GALNT13: variants seen among roughly 807,000 people sequenced by gnomAD.
GALNT13 encodes the protein UDP-GalNAc:polypeptide N-acetylgalactosaminyltransferase 13.
Under a neutral mutation model 64.2 loss-of-function variants are expected in GALNT13, and 28 were observed. That is an observed-to-expected ratio of 0.44 (90% CI 0.32 to 0.60). The LOEUF (loss-of-function observed/expected upper bound fraction) is 0.60, where lower values mean the gene tolerates loss of function less well. GALNT13 is among the 20% of genes least tolerant of loss of function. The pLI, the probability that GALNT13 is intolerant of heterozygous loss-of-function variation, is 0.05. For synonymous variants in GALNT13, 214 were observed against 224.6 expected (o/e 0.95, Z 0.42); for missense variants, 577 against 669.8 (o/e 0.86, Z 1.53).
the GALNT13 span, among the ~76,000 whole-genome samples, chr2:153,860,544 C>T: frequency 7.2e-5 from 11 of 152,074 alleles, no homozygotes; most frequent in Admixed American, 4.6e-4. Flanking sequence ...TATTTAGGAC[C>T]AAATCAGTTG....
the GALNT13 span, among the ~76,000 whole-genome samples, chr2:153,206,894 G>C: frequency 6.6e-6 from 1 of 151,920 alleles, no homozygotes; most frequent in Non-Finnish European, 1.5e-5. Context: ...TCATCGCCTA[G>C]ATTTAAAAAT....
chr2:153,889,589 T>A lies in GALNT13; in HGVS notation c.-176-11347T>A, dbSNP rs530061701. Among the ~76,000 whole-genome samples, 23 of 152,184 alleles carry A rather than the reference T, an allele frequency of 1.5e-4. No homozygotes were observed. In the South Asian group the frequency reaches 3.3e-3, roughly 22 times the overall value. On this transcript the variant is annotated intron_variant, in intron 1 of 12. Transcript: ENST00000392825. ...TATGCACTTGCCATTTTACTATAAT[T>A]CACTAAATACCGATGCACTTTTATT...
chr2:153,321,285 A>T, the GALNT13 span, among the ~76,000 whole-genome samples: 3 of 152,218 alleles, frequency 2.0e-5, no homozygotes, highest in Non-Finnish European at 4.4e-5. Flanking sequence ...TCCCACTTTC[A>T]TGTGTAATTT....
the GALNT13 span, among the ~76,000 whole-genome samples, chr2:153,809,384 G>A: frequency 6.6e-5 from 10 of 152,122 alleles, no homozygotes; most frequent in Non-Finnish European, 1.3e-4. Context: ...AAATATTACA[G>A]CTCTGGGTGG....
chr2:154,116,050 G>A (rs956974469), intron 3 of GALNT13, among the ~76,000 whole-genome samples: 1 of 152,124 alleles, frequency 6.6e-6, no homozygotes, highest in African/African-American at 2.4e-5. Context: ...ACATTATCTT[G>A]CCTGGCAACT....
chr2:153,894,050 A>G (rs1281260516), intron 1 of GALNT13, among the ~76,000 whole-genome samples: 1 of 152,096 alleles, frequency 6.6e-6, no homozygotes, highest in Non-Finnish European at 1.5e-5. Flanking sequence ...AAGACAGAAG[A>G]GCCAATATTT....
chr2:153,400,093 C>T, the GALNT13 span, among the ~76,000 whole-genome samples: 7 of 151,940 alleles, frequency 4.6e-5, no homozygotes, highest in South Asian at 2.1e-4. Flanking sequence ...TTTTGAAATA[C>T]GTCCCATCAA....
the GALNT13 span, among the ~76,000 whole-genome samples, chr2:153,725,486 A>T: frequency 3.2e-5 from 4 of 123,500 alleles, no homozygotes; most frequent in African/African-American, 6.7e-5. Flanking sequence ...TAGTAATAAT[A>T]AAAAAAAAGA....
chr2:154,188,048 C>CTCTCTCT (rs397953653), intron 4 of GALNT13, among the ~76,000 whole-genome samples: 2 of 148,566 alleles, frequency 1.3e-5, no homozygotes, highest in Non-Finnish European at 3.0e-5. Context: ...CTCTCTCTCT[C>CTCTCTCT]CTGTTTTTCT....
chr2:154,287,613 C>A (rs1559069088), intron 8 of GALNT13, among the ~76,000 whole-genome samples: 1 of 151,852 alleles, frequency 6.6e-6, no homozygotes, highest in Non-Finnish European at 1.5e-5. Flanking sequence ...TTATTATATT[C>A]TTCAGCTCAA....
chr2:153,695,484 A>G, the GALNT13 span, among the ~76,000 whole-genome samples: 29 of 152,312 alleles, frequency 1.9e-4, no homozygotes, highest in South Asian at 1.5e-3. Flanking sequence ...CTAATATTTC[A>G]GGAATGATTA....
intron 4 of GALNT13, among the ~76,000 whole-genome samples, chr2:154,212,096 A>G (rs1687804166): frequency 6.6e-6 from 1 of 152,192 alleles, no homozygotes. Context: ...TAAGTTGAGA[A>G]GCCAGATTGA....
intron 4 of GALNT13, among the ~76,000 whole-genome samples, chr2:154,147,445 C>A (rs1458104356): frequency 6.7e-6 from 1 of 149,988 alleles, no homozygotes; most frequent in Non-Finnish European, 1.5e-5. Context: ...GCCATTGTAT[C>A]AAGGCATGAT....
At position 154,080,873 on chromosome 2, in the gene GALNT13, A is replaced by G. The variant is rs146957535; in HGVS notation, c.143-59464A>G. Among the ~76,000 whole-genome samples the G allele has an allele frequency of 5.3e-5, 8 of 151,782 alleles. No homozygotes were observed. The East Asian group carries it at 1.4e-3, about 26-fold the overall frequency. ...GGGTGAAACTCAAAGACTTGTATTC[A>G]GGATCCTTAAACATGTTATCCATCT... On this transcript the variant is annotated intron_variant, in intron 3 of 12. Transcript: ENST00000392825.
chr2:153,907,580 A>C (rs1347128401), intron 2 of GALNT13, among the ~76,000 whole-genome samples: 1 of 151,546 alleles, frequency 6.6e-6, no homozygotes, highest in Admixed American at 6.6e-5. Flanking sequence ...GGTAGAGTTC[A>C]TTGTCTGTTT....
At chr2:153,954,416 A>T in intron 3 of GALNT13, among the ~76,000 whole-genome samples, 1 of 151,994 alleles carries the variant, frequency 6.6e-6, no homozygotes, top group East Asian at 1.9e-4. Context: ...TCAGTTCTAT[A>T]TACAGTTTCC....
intron 3 of GALNT13, among the ~76,000 whole-genome samples, chr2:154,014,784 C>G (rs1344595320): frequency 6.6e-6 from 1 of 151,628 alleles, no homozygotes; most frequent in South Asian, 2.1e-4. Flanking sequence ...AGGCGCCCAC[C>G]ACCACTCCCA....
At chr2:153,968,035 C>T (rs1693490634) in intron 3 of GALNT13, among the ~76,000 whole-genome samples, 1 of 152,038 alleles carries the variant, frequency 6.6e-6, no homozygotes, top group Admixed American at 6.6e-5. Context: ...CAGTGCTGCA[C>T]AGCCTACTCT....
At chr2:154,262,451 C>G (rs775436656) in intron 8 of GALNT13, among the ~76,000 whole-genome samples, 1 of 152,196 alleles carries the variant, frequency 6.6e-6, no homozygotes, top group Admixed American at 6.5e-5. Flanking sequence ...AGATAATACA[C>G]ATTCAATAGC....
Sources: gnomAD v4.1 joint callset for allele counts (sites outside exome capture counted in the v4.1 genomes callset) on GRCh38, gnomAD v4.1.1 for gene constraint, MANE v1.5 for transcripts, NCBI Gene and HGNC (gene_info 2026-07-23, HGNC 2026-07-21) for gene names.